The following FADS3 variants were observed in gnomAD, a reference collection of about 807,000 sequenced individuals.
FADS3 encodes fatty acid desaturase 3.
A neutral mutation model predicts 60.4 loss-of-function variants in FADS3; 30 were observed. The ratio of observed to expected loss-of-function variants is 0.50; its 90% CI spans 0.37 to 0.67. The LOEUF (loss-of-function observed/expected upper bound fraction) is 0.67, where lower values mean the gene tolerates loss of function less well. Among genes scored for constraint, FADS3 ranks in the 30% least tolerant of loss-of-function variants. FADS3 has a pLI of 0.00. For missense variants in FADS3, 432 were observed against 598.3 expected (o/e 0.72, Z 2.90); for synonymous variants, 234 against 249.3 (o/e 0.94, Z 0.58).
At chr11:61,878,888 G>C in intron 3 of FADS3, 41 bp from the exon 4 acceptor site, 1 of 1,586,852 alleles carries the variant, frequency 6.3e-7, no homozygotes, top group South Asian at 1.1e-5. Context: ...GGGAAGGACG[G>C]AGCCCGCCAG....
At chr11:61,880,755 ATT>A (rs11353704) in intron 1 of FADS3, 190 of 148,456 alleles carry the variant, frequency 1.3e-3, no homozygotes, top group African/African-American at 2.2e-3. Flanking sequence ...ACAAAACATA[ATT>A]TTTTTTTTTT....
intron 1 of FADS3, among the ~76,000 whole-genome samples, chr11:61,883,473 AC>A (rs1414140459): frequency 1.3e-5 from 2 of 152,076 alleles, no homozygotes; most frequent in African/African-American, 4.8e-5. Context: ...AGACACACCC[AC>A]CAGCCCACAC....
At chr11:61,874,769 C>T (rs566648023) in intron 11 of FADS3, among the ~76,000 whole-genome samples, 9 of 152,320 alleles carry the variant, frequency 5.9e-5, no homozygotes, top group African/African-American at 1.9e-4. Context: ...CCTGTCAATA[C>T]TGCCCACCCT....
chr11:61,891,783 C>T (rs1359652451), upstream of FADS3: 4 of 152,352 alleles, frequency 2.6e-5, no homozygotes, highest in African/African-American at 2.4e-5. Context: ...CACCGTCCCG[C>T]CCCCTTTTCC....
chr11:61,873,797 C>T lies in FADS3; in HGVS notation c.*17G>A. On this transcript the variant is annotated 3_prime_UTR_variant, in exon 12 of 12. Transcript: ENST00000278829. The stretch of plus-strand genomic sequence containing the variant: ...GCTGGTGCCCTGAGCCCTTCTCTGC[C>T]CGCCTGGGTGTTGCCTTCACTGATG... The T allele has an allele frequency of 6.2e-7, 1 of 1,607,460 alleles. No homozygotes were observed. The highest frequency in any genetic ancestry group is 8.5e-7 in the Non-Finnish European group (1 of 1,177,184).
chr11:61,875,379 G>GTTTT (rs58200660), intron 11 of FADS3, among the ~76,000 whole-genome samples: 2 of 128,514 alleles, frequency 1.6e-5, no homozygotes, highest in African/African-American at 5.6e-5. Flanking sequence ...GCTAATTTTT[G>GTTTT]TTTTTTTTTT....
chr11:61,883,481 A>C (rs1339401560), intron 1 of FADS3, among the ~76,000 whole-genome samples: 1 of 152,150 alleles, frequency 6.6e-6, no homozygotes, highest in East Asian at 1.9e-4. Flanking sequence ...CCACCAGCCC[A>C]CACCAGCAGG....
chr11:61,879,560 C>A (rs1165215291), intron 2 of FADS3, 51 bp from the exon 3 acceptor site: 8 of 1,519,714 alleles, frequency 5.3e-6, no homozygotes, highest in Non-Finnish European at 7.1e-6. Flanking sequence ...CTCCCCACCC[C>A]CATTCTCCTG....
At chr11:61,887,962 C>T (rs1444369951) in intron 1 of FADS3, among the ~76,000 whole-genome samples, 1 of 152,166 alleles carries the variant, frequency 6.6e-6, no homozygotes, top group Non-Finnish European at 1.5e-5. Flanking sequence ...ATAGGGGCAC[C>T]TTGAGGATTA....
chr11:61,890,040 C>A (rs1414489690), intron 1 of FADS3, among the ~76,000 whole-genome samples: 1 of 152,200 alleles, frequency 6.6e-6, no homozygotes, highest in East Asian at 1.9e-4. Flanking sequence ...CAAATACTGC[C>A]CCCAGGCTGC....
intron 6 of FADS3, 24 bp downstream of exon 6, chr11:61,878,131 C>A (rs1177962031): frequency 1.2e-6 from 2 of 1,611,024 alleles, no homozygotes; most frequent in Non-Finnish European, 1.7e-6. Flanking sequence ...CTCCCCCACC[C>A]CAGAAGGACA....
intron 1 of FADS3, among the ~76,000 whole-genome samples, chr11:61,883,292 G>A (rs1165424800): frequency 1.3e-5 from 2 of 152,192 alleles, no homozygotes; most frequent in Non-Finnish European, 2.9e-5. Flanking sequence ...TCATCTGGGA[G>A]AAATCACATG....
rs188187545 is a variant in FADS3 at position 61,875,871 on chromosome 11, G to T, written c.1266C>A (p.Thr422=). ...CTCACCTGACGATGTCCACCAGCGC[G>T]GTGAGGAAGGGCTTCACTTCGTAGC... The part of the protein sequence containing the change: ...GLSYEVKPFL[T]ALVDIVRSLK... Residue 422 remains threonine (T), a synonymous_variant, in exon 11 of 12, where the codon ACC becomes ACA. Transcript: ENST00000278829. 1 of 1,613,474 alleles carries T rather than the reference G, an allele frequency of 6.2e-7. No homozygotes were observed.
rs1040499803 is a variant in FADS3, at chr11:61,877,526, C to T, written c.870G>A (p.Val290=). The change falls in exon 7 of 12, where the codon GTG becomes GTA. Residue 290 remains valine, a synonymous_variant. Coordinates refer to ENST00000278829, the MANE Select transcript of FADS3 (RefSeq NM_021727.5). This position sits in a 1 kb window ranked among gnomAD's most constrained non-coding sequence, Gnocchi z 4.7. The stretch of plus-strand genomic sequence containing the variant: ...CCCCACTCACCGCCCACTGCATGCA[C>T]ACCAGCATGTACGCCAGATTTTCCA... ...FEVENLAYML[V]CMQWADLLWA... The T allele has an allele frequency of 1.2e-6, 2 of 1,613,656 alleles. No homozygotes were observed. Among genetic ancestry groups the T allele is most frequent in the East Asian group, 2.2e-5 (1 of 44,888 alleles).
intron 1 of FADS3, chr11:61,882,425 T>C (rs887250898): frequency 4.7e-5 from 7 of 150,378 alleles, no homozygotes; most frequent in African/African-American, 1.7e-4. Flanking sequence ...AGAAAAACAC[T>C]GAAAAATTTT....
At chr11:61,889,309 C>CCCCAGCATGG (rs1938415078) in intron 1 of FADS3, among the ~76,000 whole-genome samples, 1 of 152,164 alleles carries the variant, frequency 6.6e-6, no homozygotes, top group Admixed American at 6.5e-5. Flanking sequence ...TTGGGAGGAA[C>CCCCAGCATGG]CCCAGCATGG....
intron 1 of FADS3, among the ~76,000 whole-genome samples, chr11:61,889,133 G>C (rs982928269): frequency 6.6e-6 from 1 of 151,918 alleles, no homozygotes; most frequent in Non-Finnish European, 1.5e-5. Context: ...CCGACCTCAG[G>C]TGATCTGCCC....
chr11:61,873,964 C>A, intron 11 of FADS3, 99 bp from the exon 12 acceptor site: 1 of 770,910 alleles, frequency 1.3e-6, no homozygotes, highest in Non-Finnish European at 2.1e-6. Flanking sequence ...CGGAGATCCC[C>A]ATTCCCTGTG....
chr11:61,880,013 C>G (rs1163435935), intron 2 of FADS3, 28 bp downstream of exon 2: 1 of 1,569,248 alleles, frequency 6.4e-7, no homozygotes, highest in Non-Finnish European at 8.8e-7. Context: ...CCCTCAGGGG[C>G]TGAGCCTCTC....
Sources: allele counts gnomAD v4.1 joint callset (sites outside exome capture counted in the v4.1 genomes callset), GRCh38; gene constraint gnomAD v4.1.1; non-coding constraint Gnocchi (gnomAD v3.1); transcripts MANE v1.5; gene names NCBI Gene and HGNC (gene_info 2026-07-23, HGNC 2026-07-21).